The following VSNL1 variants were observed in gnomAD, a reference collection of about 807,000 sequenced individuals.
VSNL1 encodes visinin like 1, also known as visinin-like protein 1.
In VSNL1, 6 loss-of-function variants were observed where a neutral mutation model predicts 20.4. The observed-to-expected ratio is 0.29, with a 90% confidence interval of 0.16 to 0.58. The LOEUF (loss-of-function observed/expected upper bound fraction) is 0.58, where lower values mean the gene tolerates loss of function less well. Among genes scored for constraint, VSNL1 ranks in the 20% least tolerant of loss-of-function variants. VSNL1 has a pLI of 0.90. For missense variants in VSNL1, 100 were observed against 234.5 expected (o/e 0.43, Z 3.75); for synonymous variants, 93 against 86.4 (o/e 1.08, Z -0.42).
chr2:17,607,553 T>A (rs1664975281), intron 2 of VSNL1, among the ~76,000 whole-genome samples: 1 of 152,168 alleles, frequency 6.6e-6, no homozygotes, highest in African/African-American at 2.4e-5. Flanking sequence ...CTTCTTAAGT[T>A]CCCTTCCAAC....
intron 1 of VSNL1, among the ~76,000 whole-genome samples, chr2:17,550,044 A>G (rs186991727): frequency 7.9e-5 from 12 of 152,320 alleles, no homozygotes; most frequent in Admixed American, 7.2e-4. Context: ...AATAACTATG[A>G]TATTACCTAC....
intron 1 of VSNL1, among the ~76,000 whole-genome samples, chr2:17,574,496 A>G (rs1376225274): frequency 7.0e-6 from 1 of 142,298 alleles, no homozygotes; most frequent in Non-Finnish European, 1.6e-5. Flanking sequence ...ATTTTAGCTA[A>G]TATTCCAGCT....
At chr2:17,541,384 A>G (rs1663281706) in intron 1 of VSNL1, 2 of 152,240 alleles carry the variant, frequency 1.3e-5, no homozygotes, top group South Asian at 4.1e-4. Flanking sequence ...TGAGATTGGT[A>G]TGGAAATCAT....
At chr2:17,542,211 G>A (rs1393006455) in intron 1 of VSNL1, among the ~76,000 whole-genome samples, 1 of 152,134 alleles carries the variant, frequency 6.6e-6, no homozygotes, top group East Asian at 1.9e-4. Context: ...GTGTTTGTGT[G>A]TGTGTGGTGG....
At chr2:17,630,505 C>G (rs903234281) in intron 2 of VSNL1, among the ~76,000 whole-genome samples, 1 of 152,244 alleles carries the variant, frequency 6.6e-6, no homozygotes, top group Non-Finnish European at 1.5e-5. Flanking sequence ...TCAAAGCTAT[C>G]TCAATCAAAA....
At position 17,656,389 on chromosome 2, in the gene VSNL1, T is replaced by C. The variant is rs1666234313; in HGVS notation, c.*995T>C. 2 of 152,206 alleles carry C rather than the reference T, an allele frequency of 1.3e-5. No homozygotes were observed. Among genetic ancestry groups the C allele is most frequent in the Non-Finnish European group, 2.9e-5 (2 of 67,996 alleles). The allele number at this position is 152,206 out of a possible 1,614,324, so 9.4% of individuals were successfully genotyped here. A position where few individuals can be genotyped will look rare whatever the true frequency, so the allele number is the denominator to read the frequency against. On this transcript the variant is annotated 3_prime_UTR_variant, in exon 4 of 4. Coordinates refer to ENST00000295156, the MANE Select transcript of VSNL1 (RefSeq NM_003385.5). ...GTGAAAAGTAAAACAGATTTGTTCA[T>C]TCCGAAAAAAAAATGTTCATTCTAT...
intron 1 of VSNL1, among the ~76,000 whole-genome samples, chr2:17,558,431 T>G (rs534971017): frequency 6.6e-6 from 1 of 152,328 alleles, no homozygotes; most frequent in African/African-American, 2.4e-5. Context: ...AGAAATCTGG[T>G]GGGTTTTAAT....
chr2:17,573,086 A>C (rs1312980388), intron 1 of VSNL1, among the ~76,000 whole-genome samples: 1 of 152,238 alleles, frequency 6.6e-6, no homozygotes, highest in Non-Finnish European at 1.5e-5. Flanking sequence ...ATCTTTAAGA[A>C]ATTTCTTTAT....
chr2:17,558,864 A>T (rs953399183), intron 1 of VSNL1, among the ~76,000 whole-genome samples: 4 of 152,174 alleles, frequency 2.6e-5, no homozygotes, highest in African/African-American at 9.7e-5. Context: ...TTTACATGGC[A>T]GATCAGAGTT....
Position 17,544,795 on chromosome 2 carries a change from T to C in VSNL1, c.-6+3877T>C, listed in dbSNP as rs939947297. On this transcript the variant is annotated intron_variant, in intron 1 of 3. Coordinates refer to ENST00000295156, the MANE Select transcript of VSNL1 (RefSeq NM_003385.5). ...ATGATCACATTTAATTAATCTAAAC[T>C]GACAGTGTCCATCTTCATTATGCAT... Among the ~76,000 whole-genome samples, 8 of 152,182 alleles carry C rather than the reference T, an allele frequency of 5.3e-5. No homozygotes were observed. In the South Asian group the frequency reaches 8.3e-4, roughly 16 times the overall value.
intron 1 of VSNL1, among the ~76,000 whole-genome samples, chr2:17,546,970 A>G (rs1268024011): frequency 2.6e-5 from 4 of 152,036 alleles, no homozygotes; most frequent in Non-Finnish European, 5.9e-5. Flanking sequence ...AATCCTATGT[A>G]TAAAATTGTT....
chr2:17,618,580 G>A (rs996600462), intron 2 of VSNL1, among the ~76,000 whole-genome samples: 19 of 152,158 alleles, frequency 1.2e-4, no homozygotes, highest in Non-Finnish European at 2.4e-4. Context: ...TCAGGGGTTC[G>A]AATGTAGACA....
At chr2:17,543,850 C>G (rs956228598) in intron 1 of VSNL1, among the ~76,000 whole-genome samples, 2 of 152,102 alleles carry the variant, frequency 1.3e-5, no homozygotes, top group Non-Finnish European at 2.9e-5. Context: ...TTTTTTTCCT[C>G]TTTTGCTTTC....
chr2:17,655,562 T>C lies in VSNL1; in HGVS notation c.*168T>C. 1.6e-6 allele frequency: 1 copy of C among 626,916 alleles called. No individual in the cohort carries two copies. Among genetic ancestry groups the C allele is most frequent in the Non-Finnish European group, 2.7e-6 (1 of 372,578 alleles). 38.8% of individuals were successfully genotyped at this position (626,916 alleles called of 1,614,324 possible). A position where few individuals can be genotyped will look rare whatever the true frequency, so the allele number is the denominator to read the frequency against. ...CTTGTGTTTGAAACACTCGTGTGCA[T>C]GAGAATGTCATTTGCTAATGAATTT... is the stretch of plus-strand genomic sequence containing the variant. On this transcript the variant is annotated 3_prime_UTR_variant, in exon 4 of 4. Coordinates refer to ENST00000295156, the MANE Select transcript of VSNL1 (RefSeq NM_003385.5). The surrounding 1 kb of genome is among the most constrained non-coding windows in gnomAD (Gnocchi z 5.2).
At chr2:17,653,507 C>T (rs780361954) in intron 3 of VSNL1, among the ~76,000 whole-genome samples, 5 of 152,198 alleles carry the variant, frequency 3.3e-5, no homozygotes, top group Non-Finnish European at 7.3e-5. Context: ...ACTCTGGCTA[C>T]TAGACTAATC....
At chr2:17,577,152 T>C (rs1364440069) in intron 1 of VSNL1, among the ~76,000 whole-genome samples, 1 of 152,238 alleles carries the variant, frequency 6.6e-6, no homozygotes, top group Non-Finnish European at 1.5e-5. Context: ...AGTAAAAATA[T>C]ATTATACTTT....
chr2:17,572,976 A>G (rs1003909664), intron 1 of VSNL1, among the ~76,000 whole-genome samples: 5 of 152,212 alleles, frequency 3.3e-5, no homozygotes, highest in Admixed American at 2.6e-4. Context: ...CATCTATTCA[A>G]CTGTTAAATA....
At chr2:17,613,117 G>A (rs1665129429) in intron 2 of VSNL1, among the ~76,000 whole-genome samples, 1 of 151,648 alleles carries the variant, frequency 6.6e-6, no homozygotes, top group African/African-American at 2.4e-5. Context: ...TTTTTTTGGA[G>A]CTCAGACTTC....
intron 2 of VSNL1, among the ~76,000 whole-genome samples, chr2:17,603,856 C>T (rs2555083): frequency 0.054 from 8,146 of 152,206 alleles, 722 homozygotes; most frequent in African/African-American, 0.19. Flanking sequence ...GTCCCAGTGA[C>T]TCAAGGGATG....
Sources: gnomAD v4.1 joint callset for allele counts (sites outside exome capture counted in the v4.1 genomes callset) on GRCh38, gnomAD v4.1.1 for gene constraint, Gnocchi (gnomAD v3.1) non-coding constraint, MANE v1.5 for transcripts, NCBI Gene and HGNC (gene_info 2026-07-23, HGNC 2026-07-21) for gene names.